Variants in TMEM255B observed in about 807,000 individuals in gnomAD.
The protein encoded by TMEM255B is transmembrane protein 255B.
TMEM255B carries 35 observed loss-of-function variants against 34.5 expected under a neutral mutation model. The observed-to-expected ratio is 1.01, with a 90% CI of 0.77 to 1.34. TMEM255B has a LOEUF of 1.34. Ranked by LOEUF, TMEM255B falls within the 40% of genes most tolerant of loss-of-function variation. The pLI is 0.00. For missense variants in TMEM255B, 432 were observed against 433.2 expected (o/e 1.00, Z 0.02); for synonymous variants, 206 against 201.2 (o/e 1.02, Z -0.20).
At position 113,811,994 on chromosome 13, in the gene TMEM255B, G is replaced by C; in HGVS notation, c.*91G>C. 1 of 1,419,522 alleles carries C rather than the reference G, an allele frequency of 7.0e-7. No individual in the cohort carries two copies. The highest frequency in any genetic ancestry group is 9.5e-7 in the Non-Finnish European group (1 of 1,047,510). 87.9% of individuals were successfully genotyped at this position (1,419,522 alleles called of 1,614,324 possible). ...TCCCGCTTCTGTGGCCAACCTCCTA[G>C]AGAACCCGGGAGAATGTTCCAGAAG... On this transcript the variant is annotated 3_prime_UTR_variant, in exon 9 of 9. Coordinates refer to ENST00000375353, the MANE Select transcript of TMEM255B (RefSeq NM_182614.4).
rs139837435 is a variant in TMEM255B at position 113,768,226 on chromosome 13, G to T, written c.190-872G>T. The T allele has an allele frequency of 2.6e-5, 12 of 470,578 alleles. No homozygotes were observed. In the East Asian group the frequency reaches 8.4e-4, roughly 33 times the overall value. The allele number at this position is 470,578 out of a possible 1,614,324, so 29.2% of individuals were successfully genotyped here. A position where few individuals can be genotyped will look rare whatever the true frequency, so the allele number is the denominator to read the frequency against. On this transcript the variant is annotated intron_variant, in intron 2 of 8. Transcript: ENST00000375353. ...AGCCGTCTTAGGCCTCGGCACGGTC[G>T]TTGGCAGGTCCATGTTGGCTGCTCT...
chr13:113,796,555 C>A (rs2050944863), intron 4 of TMEM255B, among the ~76,000 whole-genome samples: 1 of 152,012 alleles, frequency 6.6e-6, no homozygotes, highest in Admixed American at 6.5e-5. Context: ...CACACACATA[C>A]ACACCACACC....
chr13:113,789,938 A>G (rs1382146926), intron 3 of TMEM255B, among the ~76,000 whole-genome samples: 2 of 139,980 alleles, frequency 1.4e-5, no homozygotes, highest in African/African-American at 5.3e-5. Flanking sequence ...GGACATCCTA[A>G]CACTGAACTG....
intron 8 of TMEM255B, among the ~76,000 whole-genome samples, chr13:113,805,735 G>A (rs1007551189): frequency 2.6e-5 from 4 of 152,212 alleles, no homozygotes; most frequent in Non-Finnish European, 4.4e-5. Flanking sequence ...CAGAGCCGCC[G>A]GTGTGACAAC....
intron 3 of TMEM255B, among the ~76,000 whole-genome samples, chr13:113,790,374 A>G (rs374936484): frequency 1.5e-5 from 1 of 66,720 alleles, no homozygotes; most frequent in Admixed American, 1.8e-4. Context: ...GACTGGACAC[A>G]TGGACATCCT....
Position 113,808,800 on chromosome 13 carries a change from G to GGT in TMEM255B, c.814-2935_814-2934insTG, listed in dbSNP as rs1204154284. ...TGTAACTCTGTGGTTCCTGGGGGGG[G>GGT]GGTTACTCCATGTTTCCTGGGGGTT... On this transcript the variant is annotated intron_variant, in intron 8 of 8. Transcript: ENST00000375353. Among the ~76,000 whole-genome samples, 3 of 113,052 alleles carry GGT rather than the reference G, an allele frequency of 2.7e-5. 1 individual carries two copies. The highest frequency in any genetic ancestry group is 1.2e-4 in the African/African-American group (3 of 24,774). The allele number at this position is 113,052 out of a possible 152,430, so 74.2% of individuals were successfully genotyped here.
chr13:113,780,177 C>A (rs2050645007), intron 3 of TMEM255B, among the ~76,000 whole-genome samples: 1 of 152,208 alleles, frequency 6.6e-6, no homozygotes, highest in East Asian at 1.9e-4. Context: ...CAGATCAGAA[C>A]CCCTGTGCAG....
chr13:113,768,822 G>T, intron 2 of TMEM255B: 1 of 543,430 alleles, frequency 1.8e-6, no homozygotes, highest in South Asian at 1.5e-5. Context: ...TGGGGGAGGA[G>T]TGGGAACTTC....
At chr13:113,787,652 A>T (rs2050766497) in intron 3 of TMEM255B, among the ~76,000 whole-genome samples, 2 of 152,102 alleles carry the variant, frequency 1.3e-5, no homozygotes, top group African/African-American at 4.8e-5. Flanking sequence ...TAATGAGCTG[A>T]AATTGTACAT....
At chr13:113,782,833 A>G (rs1203783690) in intron 3 of TMEM255B, among the ~76,000 whole-genome samples, 1 of 152,238 alleles carries the variant, frequency 6.6e-6, no homozygotes, top group Non-Finnish European at 1.5e-5. Context: ...TTGCCACATC[A>G]GAAACAGACT....
rs146415839 is a variant in TMEM255B at position 113,802,508 on chromosome 13, G to A, written c.669+696G>A. Among the ~76,000 whole-genome samples the A allele has an allele frequency of 3.1e-3, 466 of 152,308 alleles. 3 individuals are homozygous for A. Among genetic ancestry groups the A allele is most frequent in the Non-Finnish European group, 5.4e-3 (364 of 68,020 alleles). On this transcript the variant is annotated intron_variant, in intron 7 of 8. Coordinates refer to ENST00000375353, the MANE Select transcript of TMEM255B (RefSeq NM_182614.4). ...CCAGAGTATCCAAACGGCAGCCCAG[G>A]GACGAGGGGCGCCCCCTCTTGCACC...
At chr13:113,785,835 T>C (rs1367390767) in intron 3 of TMEM255B, among the ~76,000 whole-genome samples, 1 of 152,054 alleles carries the variant, frequency 6.6e-6, no homozygotes, top group Non-Finnish European at 1.5e-5. Context: ...CCTGGGATAG[T>C]GGCTTGACGT....
At chr13:113,786,629 ATCATCACCATCATCACTGTCGTTACCC>A (rs144143278) in intron 3 of TMEM255B, among the ~76,000 whole-genome samples, 63,800 of 151,046 alleles carry the variant, frequency 0.42, 14,785 homozygotes, top group East Asian at 0.72. Context: ...TGTTGTCACC[ATCATCACCATCATCACTGTCGTTACCC>A]TCATCACCAT....
intron 5 of TMEM255B, 25 bp downstream of exon 5, chr13:113,799,444 G>T (rs866224825): frequency 1.2e-6 from 2 of 1,609,030 alleles, no homozygotes; most frequent in African/African-American, 1.3e-5. Flanking sequence ...TGAGATTCAT[G>T]TGGGTTTTGC....
At chr13:113,800,970 A>G (rs1376263510) in intron 6 of TMEM255B, 58 bp downstream of exon 6, 46 of 1,132,846 alleles carry the variant, frequency 4.1e-5, no homozygotes, top group Non-Finnish European at 5.4e-5. Flanking sequence ...GGCGCTGGGG[A>G]CCCCCGTATC....
intron 4 of TMEM255B, 112 bp from the exon 5 acceptor site, chr13:113,799,227 G>T: frequency 1.1e-6 from 1 of 925,240 alleles, no homozygotes; most frequent in Non-Finnish European, 1.7e-6. Flanking sequence ...AGTTGGTGTT[G>T]GCCTTGGTCC....
rs185353065 is a variant in TMEM255B, at chr13:113,799,617, G to T, written c.423+198G>T. ...TCGATGTGCTGTATTTCACTCTGGA[G>T]TCAGAGTTCTGGACTTGCTTCATTA... On this transcript the variant is annotated intron_variant, in intron 5 of 8. Transcript: ENST00000375353. The T allele has an allele frequency of 2.4e-5, 15 of 637,876 alleles. No individual in the cohort carries two copies. The African/African-American group carries it at 2.4e-4, about 10-fold the overall frequency. 39.5% of individuals were successfully genotyped at this position (637,876 alleles called of 1,614,324 possible).
intron 3 of TMEM255B, among the ~76,000 whole-genome samples, chr13:113,784,161 G>A (rs1280679751): frequency 1.3e-5 from 2 of 152,106 alleles, no homozygotes; most frequent in Non-Finnish European, 2.9e-5. Context: ...CAGCCGAGCG[G>A]GGAGGGTGTA....
chr13:113,799,411 C>T lies in TMEM255B; in HGVS notation c.415C>T (p.Gln139Ter), dbSNP rs199891050. ...SGVGYLYDVY[Q>*]TEVTCHSLDG... is the part of the protein sequence containing the mutation. ...GGTGGGGTACTTGTACGATGTCTACCAGACAGAGGTGAGCAGGAGCACTGA... is the reference window on the plus strand; with the variant it reads ...GGTGGGGTACTTGTACGATGTCTACTAGACAGAGGTGAGCAGGAGCACTGA... Residue 139 changes from glutamine to a stop codon, truncating the protein, a stop_gained, in exon 5 of 9, where the codon CAG becomes TAG. Transcript: ENST00000375353. LOFTEE classifies it high-confidence loss of function. 8.6e-5 allele frequency: 138 copies of T among 1,613,904 alleles called. No individual in the cohort carries two copies. Among genetic ancestry groups the T allele is most frequent in the Non-Finnish European group, 1.1e-4 (132 of 1,179,908 alleles).
Sources: allele counts gnomAD v4.1 joint callset (sites outside exome capture counted in the v4.1 genomes callset), GRCh38; gene constraint gnomAD v4.1.1; transcripts MANE v1.5; gene names NCBI Gene and HGNC (gene_info 2026-07-23, HGNC 2026-07-21).